MTUS2: variants seen among roughly 807,000 people sequenced by gnomAD.
MTUS2 encodes microtubule-associated tumor suppressor candidate 2.
MTUS2 carries 40 observed loss-of-function variants against 114.1 expected under a neutral mutation model. The observed-to-expected ratio is 0.35, with a 90% CI of 0.27 to 0.46. MTUS2 has a LOEUF of 0.46. MTUS2 is among the 20% of genes least tolerant of loss of function. MTUS2 has a pLI of 1.00. For synonymous variants in MTUS2, 688 were observed against 672.0 expected (o/e 1.02, Z -0.37); for missense variants, 1,679 against 1,705.4 (o/e 0.98, Z 0.27).
chr13:29,197,752 C>T (rs1239496906), intron 5 of MTUS2, among the ~76,000 whole-genome samples: 1 of 152,130 alleles, frequency 6.6e-6, no homozygotes, highest in East Asian at 1.9e-4. Flanking sequence ...GATTGCCATT[C>T]CAACTGGCGT....
chr13:29,393,076 A>C (rs1388849639), intron 8 of MTUS2, among the ~76,000 whole-genome samples: 1 of 152,216 alleles, frequency 6.6e-6, no homozygotes, highest in Admixed American at 6.5e-5. Context: ...AGCAGGAATG[A>C]AGGTAGCATC....
At chr13:29,386,176 A>G (rs908306831) in intron 8 of MTUS2, among the ~76,000 whole-genome samples, 1 of 152,212 alleles carries the variant, frequency 6.6e-6, no homozygotes, top group Admixed American at 6.5e-5. Context: ...TTAGAGAAAA[A>G]AAGTTATCCT....
intron 5 of MTUS2, among the ~76,000 whole-genome samples, chr13:29,248,899 G>A (rs1282179219): frequency 6.6e-6 from 1 of 152,154 alleles, no homozygotes; most frequent in African/African-American, 2.4e-5. Context: ...TGGGTTGGTT[G>A]CATGCCTTTG....
chr13:29,306,904 A>T, intron 6 of MTUS2: 1 of 521,640 alleles, frequency 1.9e-6, no homozygotes, highest in East Asian at 4.8e-5. Context: ...CCTCAACTAC[A>T]TGGTCTACAT....
chr13:29,170,333 C>G (rs1893504380), intron 5 of MTUS2, among the ~76,000 whole-genome samples: 1 of 152,104 alleles, frequency 6.6e-6, no homozygotes, highest in African/African-American at 2.4e-5. Flanking sequence ...TTAACTTTAC[C>G]CTCATGAGAA....
chr13:28,880,713 A>G (rs536845052), intron 2 of MTUS2, among the ~76,000 whole-genome samples: 2 of 152,290 alleles, frequency 1.3e-5, no homozygotes, highest in South Asian at 2.1e-4. Flanking sequence ...TTCCATGTAC[A>G]TATTATTTTC....
intron 4 of MTUS2, among the ~76,000 whole-genome samples, chr13:29,043,797 T>C (rs1289519498): frequency 1.3e-5 from 2 of 151,974 alleles, no homozygotes; most frequent in African/African-American, 4.8e-5. Context: ...AGACTTTATA[T>C]CAGATAAACA....
intron 9 of MTUS2, among the ~76,000 whole-genome samples, chr13:29,457,013 C>T (rs1879158943): frequency 6.6e-6 from 1 of 151,568 alleles, no homozygotes; most frequent in Admixed American, 6.6e-5. Flanking sequence ...GGCATGGTGG[C>T]AGGCACCTGT....
chr13:29,484,725 G>C (rs571638799), intron 10 of MTUS2: 1 of 152,348 alleles, frequency 6.6e-6, no homozygotes, highest in Non-Finnish European at 1.5e-5. Flanking sequence ...AATCTGGTTT[G>C]GGTTTAATGA....
chr13:28,876,930 A>G (rs1181620948), intron 2 of MTUS2, among the ~76,000 whole-genome samples: 2 of 152,094 alleles, frequency 1.3e-5, no homozygotes, highest in African/African-American at 2.4e-5. Flanking sequence ...GAGTTCTATG[A>G]TTGCTCGTTT....
At chr13:29,212,005 CT>C (rs1357076667) in intron 5 of MTUS2, among the ~76,000 whole-genome samples, 1 of 152,038 alleles carries the variant, frequency 6.6e-6, no homozygotes, top group Non-Finnish European at 1.5e-5. Context: ...TCTTTTGACT[CT>C]TCTTCTGCTT....
At chr13:28,880,058 C>T (rs566154647) in intron 2 of MTUS2, among the ~76,000 whole-genome samples, 12 of 152,298 alleles carry the variant, frequency 7.9e-5, no homozygotes, top group African/African-American at 2.9e-4. Flanking sequence ...CATTTCATTA[C>T]GTATCTTGTC....
At chr13:29,205,122 T>C (rs1025437127) in intron 5 of MTUS2, among the ~76,000 whole-genome samples, 5 of 152,230 alleles carry the variant, frequency 3.3e-5, no homozygotes, top group Non-Finnish European at 7.3e-5. Context: ...GGGTGTTCTC[T>C]TTGATCAGTG....
At chr13:29,159,864 A>C (rs548776702) in intron 5 of MTUS2, among the ~76,000 whole-genome samples, 1 of 152,370 alleles carries the variant, frequency 6.6e-6, no homozygotes, top group East Asian at 1.9e-4. Flanking sequence ...GAGAATGTGG[A>C]AAAACTAGGC....
chr13:28,942,723 T>A (rs1882313154), intron 2 of MTUS2, among the ~76,000 whole-genome samples: 1 of 152,216 alleles, frequency 6.6e-6, no homozygotes, highest in African/African-American at 2.4e-5. Flanking sequence ...GTATATGATT[T>A]CAGTTTTTAT....
At chr13:29,047,653 A>G (rs1363477563) in intron 4 of MTUS2, among the ~76,000 whole-genome samples, 2 of 151,726 alleles carry the variant, frequency 1.3e-5, no homozygotes, top group Non-Finnish European at 2.9e-5. Context: ...AGCTGGAACT[A>G]CAGGCGCCCG....
At chr13:28,847,890 G>A (rs531967292) in intron 2 of MTUS2, among the ~76,000 whole-genome samples, 1 of 152,206 alleles carries the variant, frequency 6.6e-6, no homozygotes, top group South Asian at 2.1e-4. Flanking sequence ...GGAGGAGAGC[G>A]GGAAGGAGGG....
At chr13:28,824,505 A>G (rs887789568) in intron 1 of MTUS2, among the ~76,000 whole-genome samples, 2 of 152,024 alleles carry the variant, frequency 1.3e-5, no homozygotes, top group African/African-American at 4.8e-5. Flanking sequence ...TTGAGCCCCC[A>G]CACATTCTCA....
At chr13:29,416,363 T>C (rs1370213085) in intron 8 of MTUS2, among the ~76,000 whole-genome samples, 6 of 151,782 alleles carry the variant, frequency 4.0e-5, no homozygotes, top group Admixed American at 2.6e-4. Context: ...TCAAGACATA[T>C]AGCATTTGTA....
Sources: gnomAD v4.1 joint callset for allele counts (sites outside exome capture counted in the v4.1 genomes callset) on GRCh38, gnomAD v4.1.1 for gene constraint, MANE v1.5 for transcripts, NCBI Gene and HGNC (gene_info 2026-07-23, HGNC 2026-07-21) for gene names.